Variants in KLHL1 observed in about 807,000 individuals in gnomAD.
The protein encoded by KLHL1 is kelch-like protein 1.
In KLHL1, 47 loss-of-function variants were observed where a neutral mutation model predicts 77.7. The observed-to-expected ratio is 0.60, with a 90% confidence interval of 0.48 to 0.77. The LOEUF (loss-of-function observed/expected upper bound fraction) is 0.77, where lower values mean the gene tolerates loss of function less well. Among genes scored for constraint, KLHL1 ranks in the 30% least tolerant of loss-of-function variants. The pLI, the probability that KLHL1 is intolerant of heterozygous loss-of-function variation, is 0.00. For missense variants in KLHL1, 925 were observed against 910.8 expected, an observed-to-expected ratio of 1.02 and a Z score of -0.20; for synonymous variants, 360 against 325.2, an observed-to-expected ratio of 1.11 and a Z score of -1.15.
intron 1 of KLHL1, among the ~76,000 whole-genome samples, chr13:70,029,522 G>T (rs1836496791): frequency 1.3e-5 from 2 of 152,114 alleles, no homozygotes; most frequent in African/African-American, 4.8e-5. Flanking sequence ...CAGTGAAGGA[G>T]AAATAAAATA....
intron 4 of KLHL1, among the ~76,000 whole-genome samples, chr13:69,921,750 T>TA (rs1233649852): frequency 6.6e-6 from 1 of 152,140 alleles, no homozygotes; most frequent in Non-Finnish European, 1.5e-5. Flanking sequence ...CTCTAGCTTT[T>TA]AAAAAATTAG....
chr13:69,875,074 C>A lies in KLHL1; in HGVS notation c.1227+7209G>T, dbSNP rs919955474. The stretch of plus-strand genomic sequence containing the variant: ...GGCACTGTAACATCAGAGAGTAGAA[C>A]AAATTAGCAACGACAGTTGAGCAAG... On this transcript the variant is annotated intron_variant, in intron 5 of 10. Transcript: ENST00000377844. Among the ~76,000 whole-genome samples the A allele has an allele frequency of 4.6e-5, 7 of 151,928 alleles. No individual in the cohort carries two copies. In the South Asian group the frequency reaches 1.5e-3, roughly 32 times the overall value.
chr13:70,036,835 C>CTTTTTTTTTTTTT (rs5804467), intron 1 of KLHL1, among the ~76,000 whole-genome samples: 3 of 50,676 alleles, frequency 5.9e-5, no homozygotes, highest in African/African-American at 7.4e-5. Context: ...ATGCCATGGT[C>CTTTTTTTTTTTTT]TTTTTTTTTT....
intron 6 of KLHL1, among the ~76,000 whole-genome samples, chr13:69,836,338 C>T (rs533759402): frequency 4.6e-5 from 7 of 152,050 alleles, no homozygotes; most frequent in East Asian, 1.9e-4. Context: ...TTGCTGATTT[C>T]GAAGATGTAC....
chr13:69,722,726 C>T (rs983073234), intron 8 of KLHL1, among the ~76,000 whole-genome samples: 9 of 151,714 alleles, frequency 5.9e-5, no homozygotes, highest in Non-Finnish European at 1.2e-4. Context: ...AAAACCATTA[C>T]GAAAAACCAT....
At chr13:69,721,089 A>ATATATATATATATATACAAATT (rs1256189383) in intron 8 of KLHL1, among the ~76,000 whole-genome samples, 3 of 77,986 alleles carry the variant, frequency 3.8e-5, no homozygotes, top group Non-Finnish European at 8.7e-5. Context: ...AAAGCTATGT[A>ATATATATATATATATACAAATT]CCTCCCTTAC....
intron 4 of KLHL1, among the ~76,000 whole-genome samples, chr13:69,934,047 A>C (rs1174023453): frequency 6.6e-6 from 1 of 152,128 alleles, no homozygotes; most frequent in African/African-American, 2.4e-5. Context: ...ATCCTGAGTA[A>C]ATTATTTAAC....
intron 1 of KLHL1, among the ~76,000 whole-genome samples, chr13:70,028,803 T>C (rs2325265): frequency 0.86 from 130,109 of 151,628 alleles, 56,291 homozygotes; most frequent in East Asian, 0.92. Flanking sequence ...GTGGCGAAAC[T>C]TCATCTCTAC....
At chr13:69,789,431 T>G (rs191393211) in intron 7 of KLHL1, among the ~76,000 whole-genome samples, 2 of 152,152 alleles carry the variant, frequency 1.3e-5, no homozygotes, top group Admixed American at 6.6e-5. Flanking sequence ...TCGAGGAATC[T>G]GAGATTAAAT....
At chr13:69,837,270 G>T (rs569590543) in intron 6 of KLHL1, among the ~76,000 whole-genome samples, 6 of 151,572 alleles carry the variant, frequency 4.0e-5, no homozygotes, top group Non-Finnish European at 8.8e-5. Flanking sequence ...GCTAATGGTG[G>T]CATTATTTAT....
At chr13:70,003,683 G>A (rs543582131) in intron 1 of KLHL1, among the ~76,000 whole-genome samples, 2 of 151,624 alleles carry the variant, frequency 1.3e-5, no homozygotes, top group Non-Finnish European at 3.0e-5. Flanking sequence ...CAGGGAAGAG[G>A]GTGGCACAAA....
At chr13:70,026,705 T>G (rs1298009858) in intron 1 of KLHL1, among the ~76,000 whole-genome samples, 1 of 121,094 alleles carries the variant, frequency 8.3e-6, no homozygotes, top group African/African-American at 4.5e-5. Context: ...GAACTTAGGG[T>G]GTGTGTGTGT....
In KLHL1 at chr13:70,107,487, C is replaced by T; in HGVS notation, c.213G>A (p.Lys71=). Residue 71 remains lysine (K), a synonymous_variant, in exon 1 of 11, where the codon AAG becomes AAA. Coordinates refer to ENST00000377844, the MANE Select transcript of KLHL1 (RefSeq NM_020866.3). ...ACGATGAAGAGGAAGAGGAGGAAGGCTTCTTCCAGAAAGTGCTCACACCGC... is the reference window on the plus strand; with the variant it reads ...ACGATGAAGAGGAAGAGGAGGAAGGTTTCTTCCAGAAAGTGCTCACACCGC... ...ERSGVSTFWK[K]PSSSSSSSSS... is the part of the protein sequence containing the mutation. The T allele has an allele frequency of 6.2e-7, 1 of 1,610,590 alleles. No individual in the cohort carries two copies. The highest frequency in any genetic ancestry group is 8.5e-7 in the Non-Finnish European group (1 of 1,179,772).
At chr13:69,762,827 C>T (rs1433363883) in intron 7 of KLHL1, among the ~76,000 whole-genome samples, 1 of 151,468 alleles carries the variant, frequency 6.6e-6, no homozygotes, top group Non-Finnish European at 1.5e-5. Flanking sequence ...TGGGGTATAT[C>T]TTTATTTGTG....
At chr13:69,870,019 T>C (rs1353002406) in intron 5 of KLHL1, among the ~76,000 whole-genome samples, 1 of 152,164 alleles carries the variant, frequency 6.6e-6, no homozygotes, top group Non-Finnish European at 1.5e-5. Context: ...AGTAAATTGA[T>C]AGGTTTTAGA....
intron 6 of KLHL1, among the ~76,000 whole-genome samples, chr13:69,802,662 C>G (rs139501811): frequency 2.1e-5 from 3 of 144,816 alleles, no homozygotes; most frequent in Non-Finnish European, 3.1e-5. Flanking sequence ...ATCTAATTAC[C>G]GGTGCATGCA....
rs546604311 is a variant in KLHL1, at chr13:69,783,723, C to T, written c.1639+13015G>A. On this transcript the variant is annotated intron_variant, in intron 7 of 10. Coordinates refer to ENST00000377844, the MANE Select transcript of KLHL1 (RefSeq NM_020866.3). ...GATTGATTGGTGTACCTGAAAGTGA[C>T]GGGGACAATGGAACCAAGTTGGAAA... 4.7e-5 allele frequency among the ~76,000 whole-genome samples: 6 copies of T among 128,252 alleles called. 1 individual carries two copies. Among genetic ancestry groups the T allele is most frequent in the East Asian group, 2.1e-4 (1 of 4,670 alleles). 84.1% of individuals were successfully genotyped at this position (128,252 alleles called of 152,430 possible).
At chr13:69,733,467 T>C (rs923687537) in intron 8 of KLHL1, among the ~76,000 whole-genome samples, 1 of 152,126 alleles carries the variant, frequency 6.6e-6, no homozygotes, top group Middle Eastern at 3.2e-3. Context: ...ATGCATTCAC[T>C]TGGAAATGAT....
intron 1 of KLHL1, among the ~76,000 whole-genome samples, chr13:70,034,901 T>C (rs1170177646): frequency 6.6e-6 from 1 of 152,104 alleles, no homozygotes; most frequent in Non-Finnish European, 1.5e-5. Flanking sequence ...TATTTGAAAA[T>C]AAATGTTACA....
Sources: gnomAD v4.1 joint callset for allele counts (sites outside exome capture counted in the v4.1 genomes callset) on GRCh38, gnomAD v4.1.1 for gene constraint, MANE v1.5 for transcripts, NCBI Gene and HGNC (gene_info 2026-07-23, HGNC 2026-07-21) for gene names.